TMEM43: variants seen among roughly 807,000 people sequenced by gnomAD.
TMEM43 encodes the protein arrhythmogenic right ventricular dysplasia 5.
In TMEM43, 45 loss-of-function variants were observed where a neutral mutation model predicts 49.6. That is an observed-to-expected ratio of 0.91 (90% CI 0.71 to 1.16). TMEM43 has a LOEUF of 1.16. Ranked by LOEUF, TMEM43 falls within the 50% of genes most tolerant of loss-of-function variation. The pLI is 0.00. For synonymous variants in TMEM43, 199 were observed against 207.8 expected (o/e 0.96, Z 0.36); for missense variants, 532 against 516.6 (o/e 1.03, Z -0.29).
intron 11 of TMEM43, 67 bp downstream of exon 11, chr3:14,139,364 T>C: frequency 3.5e-6 from 4 of 1,147,496 alleles, no homozygotes; most frequent in Non-Finnish European, 5.3e-6. Flanking sequence ...GCCTGTCGCA[T>C]CATCTCAGCC....
intron 10 of TMEM43, among the ~76,000 whole-genome samples, chr3:14,136,686 G>A (rs1695174199): frequency 6.7e-6 from 1 of 150,104 alleles, no homozygotes; most frequent in Non-Finnish European, 1.5e-5. Flanking sequence ...CCACAGCCCA[G>A]AGCGGGGAGA....
chr3:14,135,533 T>C (rs1184751416), intron 9 of TMEM43, among the ~76,000 whole-genome samples: 1 of 152,206 alleles, frequency 6.6e-6, no homozygotes, highest in East Asian at 1.9e-4. Flanking sequence ...CTGTCAATAA[T>C]TGGTCTTGCG....
chr3:14,141,648 CTTCT>C lies in TMEM43; in HGVS notation c.1057_1060del (p.Phe353ValfsTer6). On this transcript the variant is annotated frameshift_variant, in exon 12 of 12. Transcript: ENST00000306077. LOFTEE classifies it high-confidence loss of function. Reference sequence around the variant, plus strand: ...TCAACATTGGCCTGAAAGCCTTTGCCTTCTGTGTGGCCACCTCGCTGACCCTGCT... The same window carrying C: ...TCAACATTGGCCTGAAAGCCTTTGCCGTGTGGCCACCTCGCTGACCCTGCT... The C allele has an allele frequency of 6.2e-7, 1 of 1,614,192 alleles. No homozygotes were observed. Among genetic ancestry groups the C allele is most frequent in the Non-Finnish European group, 8.5e-7 (1 of 1,180,030 alleles).
In TMEM43 at chr3:14,135,821, C is replaced by T. The variant is rs1695161432; in HGVS notation, c.795C>T (p.Ala265=). Residue 265 remains alanine (A), a synonymous_variant, in exon 10 of 12, where the codon GCC becomes GCT. Coordinates refer to ENST00000306077, the MANE Select transcript of TMEM43 (RefSeq NM_024334.3). ...CCTCTGACCAGGTCACTGTGATTGC[C>T]CGGCAGCGGGGTGACCAGCTAGTCC... ...LGPAHVVTVI[A]RQRGDQLVPF... is the part of the protein sequence containing the mutation. 1.2e-6 allele frequency: 2 copies of T among 1,613,446 alleles called. No individual in the cohort carries two copies. Among genetic ancestry groups the T allele is most frequent in the Non-Finnish European group, 1.7e-6 (2 of 1,180,034 alleles).
chr3:14,133,082 C>G (rs981819676), intron 6 of TMEM43, 147 bp downstream of exon 6: 5 of 727,420 alleles, frequency 6.9e-6, no homozygotes, highest in African/African-American at 3.5e-5. Flanking sequence ...AAGCCCTGTG[C>G]TGGGCACCAG....
intron 6 of TMEM43, 38 bp from the exon 7 acceptor site, chr3:14,133,701 A>G (rs1559361386): frequency 1.2e-6 from 2 of 1,603,114 alleles, no homozygotes; most frequent in Non-Finnish European, 1.7e-6. Context: ...CAGCTCCCAC[A>G]CCGGTGCCCA....
At chr3:14,129,700 A>C in intron 2 of TMEM43, 139 bp downstream of exon 2, 1 of 956,508 alleles carries the variant, frequency 1.0e-6, no homozygotes, top group South Asian at 1.4e-5. Flanking sequence ...AGTTAATCAC[A>C]GTTCTTTCCA....
intron 11 of TMEM43, among the ~76,000 whole-genome samples, chr3:14,140,158 G>C (rs1695228678): frequency 6.6e-6 from 1 of 152,212 alleles, no homozygotes; most frequent in Non-Finnish European, 1.5e-5. Context: ...ACAGGCCCGG[G>C]AAGGGAAGGA....
At chr3:14,135,027 G>C (rs1327244370) in intron 8 of TMEM43, 131 bp from the exon 9 acceptor site, 2 of 1,505,602 alleles carry the variant, frequency 1.3e-6, no homozygotes, top group African/African-American at 1.4e-5. Flanking sequence ...AGGCCCTCTG[G>C]GTGACGGCAC....
intron 2 of TMEM43, among the ~76,000 whole-genome samples, chr3:14,130,153 T>G (rs1695074542): frequency 6.6e-6 from 1 of 151,966 alleles, no homozygotes; most frequent in East Asian, 1.9e-4. Context: ...GGCCTCATGA[T>G]GCAACAGTAT....
chr3:14,138,702 T>C (rs765676854), intron 10 of TMEM43, among the ~76,000 whole-genome samples: 105 of 151,996 alleles, frequency 6.9e-4, no homozygotes, highest in Non-Finnish European at 1.1e-3. Context: ...GGAGAGAGTA[T>C]GGACTGAAGC....
At position 14,129,444 on chromosome 3, in the gene TMEM43, C is replaced by A. The variant is rs150334659; in HGVS notation, c.45C>A (p.Val15=). 1.5e-4 allele frequency: 240 copies of A among 1,613,384 alleles called. 1 individual carries two copies. In the African/African-American group the frequency reaches 2.9e-3, roughly 19 times the overall value. ...YSSTSTRREH[V]KVKTSSQPGF... is the part of the protein sequence containing the mutation. ...GTACCAGTACCCGGAGAGAACATGT[C>A]AAAGTTAAAACCAGCTCCCAGCCAG... is the stretch of plus-strand genomic sequence containing the variant. The change falls in exon 2 of 12, where the codon GTC becomes GTA. Residue 15 remains valine (V), a synonymous_variant. Transcript: ENST00000306077.
intron 5 of TMEM43, 120 bp downstream of exon 5, chr3:14,132,715 G>C: frequency 7.1e-7 from 1 of 1,400,184 alleles, no homozygotes; most frequent in Non-Finnish European, 1.0e-6. Flanking sequence ...AGGATCCCTG[G>C]GTGCAAGTCT....
intron 4 of TMEM43, 90 bp downstream of exon 4, chr3:14,131,764 C>A (rs1430302450): frequency 3.3e-6 from 3 of 907,380 alleles, no homozygotes; most frequent in Non-Finnish European, 3.6e-6. Flanking sequence ...CATTTTGATA[C>A]CTTTGAAACT....
chr3:14,130,718 T>C (rs1233551545), intron 2 of TMEM43, 104 bp from the exon 3 acceptor site: 10 of 1,446,004 alleles, frequency 6.9e-6, no homozygotes, highest in Non-Finnish European at 4.7e-6. Context: ...GAGATGGGTC[T>C]CAGCGCTCCC....
chr3:14,131,091 C>T, intron 3 of TMEM43, 135 bp downstream of exon 3: 1 of 1,111,624 alleles, frequency 9.0e-7, no homozygotes, highest in Admixed American at 2.5e-5. Flanking sequence ...CACTCAGCAG[C>T]TGTGTGGACT....
intron 1 of TMEM43, among the ~76,000 whole-genome samples, chr3:14,127,109 TG>T (rs1416215005): frequency 6.6e-6 from 1 of 152,156 alleles, no homozygotes; most frequent in African/African-American, 2.4e-5. Flanking sequence ...GATGTGTCAC[TG>T]GGGATGTCCG....
At chr3:14,138,420 A>G (rs1559362887) in intron 10 of TMEM43, among the ~76,000 whole-genome samples, 1 of 152,066 alleles carries the variant, frequency 6.6e-6, no homozygotes, top group African/African-American at 2.4e-5. Context: ...GAGACTCGGG[A>G]ATATGTGGCC....
intron 11 of TMEM43, 119 bp from the exon 12 acceptor site, chr3:14,141,474 C>G: frequency 1.0e-6 from 1 of 967,826 alleles, no homozygotes; most frequent in Non-Finnish European, 1.6e-6. Context: ...CCCACTGATC[C>G]TCTCCCCTCC....
Sources: gnomAD v4.1 joint callset for allele counts (sites outside exome capture counted in the v4.1 genomes callset) on GRCh38, gnomAD v4.1.1 for gene constraint, MANE v1.5 for transcripts, NCBI Gene and HGNC (gene_info 2026-07-23, HGNC 2026-07-21) for gene names.